DCC: variants seen among roughly 807,000 people sequenced by gnomAD.
DCC encodes the protein netrin receptor DCC.
DCC carries 58 observed loss-of-function variants against 172.5 expected under a neutral mutation model. The ratio of observed to expected loss-of-function variants is 0.34; its 90% CI spans 0.27 to 0.42. The LOEUF is 0.42. Ranked by LOEUF, DCC falls within the 10% of genes least tolerant of loss-of-function variation. The pLI is 1.00. For synonymous variants in DCC, 709 were observed against 644.5 expected, an observed-to-expected ratio of 1.10 and a Z score of -1.52; for missense variants, 1,740 against 1,791.0, an observed-to-expected ratio of 0.97 and a Z score of 0.51.
intron 1 of DCC, among the ~76,000 whole-genome samples, chr18:52,439,481 C>T (rs949997845): frequency 1.3e-5 from 2 of 152,056 alleles, no homozygotes; most frequent in Admixed American, 6.5e-5. Flanking sequence ...CTGACCTTGC[C>T]TCTGTGCTCC....
intron 5 of DCC, among the ~76,000 whole-genome samples, chr18:53,009,347 A>G (rs2041693349): frequency 6.6e-6 from 1 of 151,988 alleles, no homozygotes; most frequent in Non-Finnish European, 1.5e-5. Flanking sequence ...GAAGTCCAGA[A>G]TCCTTAGTCA....
In DCC at chr18:52,989,658, C is replaced by A. The variant is rs370054815; in HGVS notation, c.985+64288C>A. ...AGATAAGATATGAATCTAGAGAACA[C>A]ACACATGTACTCACACAACAACACA... On this transcript the variant is annotated intron_variant, in intron 5 of 28. Transcript: ENST00000442544. Among the ~76,000 whole-genome samples, 8 of 152,254 alleles carry A rather than the reference C, an allele frequency of 5.3e-5. No homozygotes were observed. The East Asian group carries it at 1.5e-3, about 29-fold the overall frequency.
At chr18:53,187,112 TTCTC>T (rs749077975) in intron 9 of DCC, among the ~76,000 whole-genome samples, 1 of 145,512 alleles carries the variant, frequency 6.9e-6, no homozygotes, top group Admixed American at 6.9e-5. Context: ...CAAATTTACT[TTCTC>T]TCTTTTTTTT....
chr18:53,222,794 C>G (rs1300679101), intron 12 of DCC, among the ~76,000 whole-genome samples: 1 of 152,040 alleles, frequency 6.6e-6, no homozygotes, highest in African/African-American at 2.4e-5. Context: ...TTGTTTAACT[C>G]AGCTTTTTTA....
At chr18:53,037,584 G>T (rs1302164315) in intron 5 of DCC, among the ~76,000 whole-genome samples, 1 of 151,908 alleles carries the variant, frequency 6.6e-6, no homozygotes, top group African/African-American at 2.4e-5. Context: ...TAAAAAAATT[G>T]AAGTCCTAAA....
chr18:52,785,085 T>C (rs2037630985), intron 2 of DCC, among the ~76,000 whole-genome samples: 1 of 152,004 alleles, frequency 6.6e-6, no homozygotes, highest in Non-Finnish European at 1.5e-5. Flanking sequence ...GTTTACATAG[T>C]GCACAGGGAA....
At chr18:52,839,287 G>A (rs1002786760) in intron 2 of DCC, among the ~76,000 whole-genome samples, 1 of 152,156 alleles carries the variant, frequency 6.6e-6, no homozygotes, top group African/African-American at 2.4e-5. Flanking sequence ...GTTCAAGTAT[G>A]TTTGTGTGCA....
chr18:52,724,206 G>A (rs1378081069), intron 1 of DCC, among the ~76,000 whole-genome samples: 2 of 152,102 alleles, frequency 1.3e-5, no homozygotes, highest in East Asian at 3.9e-4. Flanking sequence ...GAGTGCAGTG[G>A]TGCAATCAGG....
intron 15 of DCC, among the ~76,000 whole-genome samples, chr18:53,354,642 G>A (rs1347247416): frequency 1.3e-5 from 2 of 151,778 alleles, no homozygotes; most frequent in Admixed American, 1.3e-4. Context: ...TAAGTTCTTT[G>A]TACATTCTGG....
chr18:53,328,886 T>A (rs2057498680), intron 14 of DCC, among the ~76,000 whole-genome samples: 1 of 152,182 alleles, frequency 6.6e-6, no homozygotes, highest in Non-Finnish European at 1.5e-5. Context: ...CAGTTCTTTC[T>A]GACAGTAATA....
chr18:52,918,721 C>T (rs2040076134), intron 3 of DCC, among the ~76,000 whole-genome samples: 1 of 152,106 alleles, frequency 6.6e-6, no homozygotes, highest in Non-Finnish European at 1.5e-5. Context: ...ATCCTCCTCT[C>T]TAAAACTCAT....
At chr18:53,075,873 G>A (rs1449592472) in intron 7 of DCC, among the ~76,000 whole-genome samples, 2 of 152,094 alleles carry the variant, frequency 1.3e-5, no homozygotes, top group Non-Finnish European at 2.9e-5. Flanking sequence ...TCTCAAGGCT[G>A]CAATTGGTAC....
At chr18:52,483,242 T>C (rs943072613) in intron 1 of DCC, among the ~76,000 whole-genome samples, 3 of 152,104 alleles carry the variant, frequency 2.0e-5, no homozygotes, top group Non-Finnish European at 2.9e-5. Context: ...TAATTACATA[T>C]GCAATGACTG....
chr18:52,539,670 G>C (rs1241945780), intron 1 of DCC, among the ~76,000 whole-genome samples: 2 of 152,072 alleles, frequency 1.3e-5, no homozygotes, highest in Non-Finnish European at 2.9e-5. Flanking sequence ...CCAGTCTCTG[G>C]TACCAATTAT....
intron 9 of DCC, among the ~76,000 whole-genome samples, chr18:53,196,880 T>C (rs1321488331): frequency 1.3e-5 from 2 of 152,132 alleles, no homozygotes; most frequent in Non-Finnish European, 2.9e-5. Context: ...ATCTACCCTA[T>C]AGTTTGTGCT....
intron 15 of DCC, among the ~76,000 whole-genome samples, chr18:53,364,075 G>T (rs1262958016): frequency 6.6e-6 from 1 of 152,168 alleles, no homozygotes; most frequent in Non-Finnish European, 1.5e-5. Flanking sequence ...CAATCAATAT[G>T]TATCAAGTGC....
chr18:52,434,379 G>A (rs1987721505), intron 1 of DCC, among the ~76,000 whole-genome samples: 1 of 152,082 alleles, frequency 6.6e-6, no homozygotes, highest in Non-Finnish European at 1.5e-5. Flanking sequence ...CTGCACCTAA[G>A]GATTACCTGG....
intron 5 of DCC, among the ~76,000 whole-genome samples, chr18:53,053,000 G>T (rs1292522758): frequency 6.6e-6 from 1 of 151,958 alleles, no homozygotes; most frequent in Non-Finnish European, 1.5e-5. Context: ...AAAATTAGTA[G>T]AGCGTGATGG....
intron 2 of DCC, among the ~76,000 whole-genome samples, chr18:52,808,615 C>T (rs1179814546): frequency 6.6e-6 from 1 of 152,132 alleles, no homozygotes; most frequent in East Asian, 1.9e-4. Context: ...TGATGGAGAA[C>T]ACTGTTCCAA....
Sources: allele counts gnomAD v4.1 joint callset (sites outside exome capture counted in the v4.1 genomes callset), GRCh38; gene constraint gnomAD v4.1.1; transcripts MANE v1.5; gene names NCBI Gene and HGNC (gene_info 2026-07-23, HGNC 2026-07-21).